The following GPC5 variants were observed in gnomAD, a reference collection of about 807,000 sequenced individuals.
GPC5 encodes the protein glypican 5, also known as glypican-5.
GPC5 carries 47 observed loss-of-function variants against 53.9 expected under a neutral mutation model. The observed-to-expected ratio is 0.87, with a 90% CI of 0.69 to 1.11. GPC5 has a LOEUF of 1.11. Among genes scored for constraint, GPC5 ranks in the 50% most tolerant of loss-of-function variants. The pLI is 0.00. For missense variants in GPC5, 748 were observed against 713.1 expected (o/e 1.05, Z -0.56); for synonymous variants, 286 against 263.3 (o/e 1.09, Z -0.84).
chr13:91,417,072 G>C lies in GPC5; in HGVS notation c.163+17863G>C, dbSNP rs144693608. ...ACAGAGTGGGGTGGATGGAGCAGAG[G>C]GGGGGAGTATTTAGAAGGCAGAATT... On this transcript the variant is annotated intron_variant, in intron 1 of 7. Transcript: ENST00000377067. Among the ~76,000 whole-genome samples, 222 of 152,238 alleles carry C rather than the reference G, an allele frequency of 1.5e-3. 1 individual carries two copies. The highest frequency in any genetic ancestry group is 4.7e-3 in the African/African-American group (195 of 41,544).
intron 7 of GPC5, among the ~76,000 whole-genome samples, chr13:92,776,098 A>C (rs1358109066): frequency 6.6e-6 from 1 of 152,178 alleles, no homozygotes; most frequent in East Asian, 1.9e-4. Flanking sequence ...GAATCCTTAA[A>C]ATCAAGGTAT....
rs1566567602 is a variant in GPC5, at chr13:92,385,462, A to ATACATATG, written c.1561+240473_1561+240474insTACATATG. Among the ~76,000 whole-genome samples, 17 of 111,126 alleles carry ATACATATG rather than the reference A, an allele frequency of 1.5e-4. 2 individuals are homozygous for ATACATATG. Among genetic ancestry groups the ATACATATG allele is most frequent in the Admixed American group, 2.0e-4 (2 of 10,196 alleles). 72.9% of individuals were successfully genotyped at this position (111,126 alleles called of 152,430 possible). ...CATATATACATATATACATATATACACATATATACATATATACATATATAC... is the reference window on the plus strand; with the variant it reads ...CATATATACATATATACATATATACATACATATGCATATATACATATATACATATATAC... On this transcript the variant is annotated intron_variant, in intron 7 of 7. Transcript: ENST00000377067.
At chr13:92,048,092 A>G (rs1424171530) in intron 6 of GPC5, among the ~76,000 whole-genome samples, 2 of 152,026 alleles carry the variant, frequency 1.3e-5, no homozygotes, top group African/African-American at 4.8e-5. Flanking sequence ...TAGACGATAG[A>G]TAACATTATA....
intron 7 of GPC5, among the ~76,000 whole-genome samples, chr13:92,376,572 A>G (rs2043695326): frequency 6.6e-6 from 1 of 152,118 alleles, no homozygotes; most frequent in South Asian, 2.1e-4. Context: ...CCTCCATCTG[A>G]GCTAATTTTA....
At chr13:91,716,987 A>ATAC (rs1379093208) in intron 3 of GPC5, among the ~76,000 whole-genome samples, 1 of 152,220 alleles carries the variant, frequency 6.6e-6, no homozygotes, top group Admixed American at 6.5e-5. Flanking sequence ...ACCAAACAAA[A>ATAC]TACTTCCTCT....
At chr13:92,461,605 T>C (rs1878482354) in intron 7 of GPC5, among the ~76,000 whole-genome samples, 1 of 152,222 alleles carries the variant, frequency 6.6e-6, no homozygotes, top group Non-Finnish European at 1.5e-5. Context: ...CTGGAGATTA[T>C]GCTTTTGGGA....
chr13:91,664,070 A>G (rs1436056366), intron 2 of GPC5, among the ~76,000 whole-genome samples: 1 of 152,238 alleles, frequency 6.6e-6, no homozygotes, highest in African/African-American at 2.4e-5. Flanking sequence ...CTATAATATA[A>G]TGAAAGATAC....
chr13:91,607,519 G>C (rs886506668), intron 2 of GPC5, among the ~76,000 whole-genome samples: 1 of 152,086 alleles, frequency 6.6e-6, no homozygotes, highest in African/African-American at 2.4e-5. Flanking sequence ...GTACGTAGAT[G>C]ATAACACCAG....
intron 6 of GPC5, among the ~76,000 whole-genome samples, chr13:91,943,478 A>G (rs1415284162): frequency 1.3e-5 from 2 of 152,066 alleles, no homozygotes; most frequent in Non-Finnish European, 2.9e-5. Context: ...TGTGCTTTGT[A>G]TAAGATGGAA....
chr13:91,653,795 C>A (rs1197946954), intron 2 of GPC5, among the ~76,000 whole-genome samples: 1 of 152,044 alleles, frequency 6.6e-6, no homozygotes, highest in African/African-American at 2.4e-5. Flanking sequence ...TTTTTAACAG[C>A]TTTCAGGCAT....
intron 7 of GPC5, among the ~76,000 whole-genome samples, chr13:92,592,333 T>C (rs1035956117): frequency 2.0e-4 from 30 of 151,912 alleles, no homozygotes; most frequent in Non-Finnish European, 4.0e-4. Flanking sequence ...AACACCTGTA[T>C]AGTGTATGTG....
At chr13:91,855,260 C>T (rs778836939) in intron 5 of GPC5, among the ~76,000 whole-genome samples, 1 of 151,632 alleles carries the variant, frequency 6.6e-6, no homozygotes, top group East Asian at 1.9e-4. Flanking sequence ...AACCAAAGAA[C>T]AGGCACAGCT....
intron 2 of GPC5, among the ~76,000 whole-genome samples, chr13:91,689,189 AT>A (rs1364246419): frequency 4.1e-5 from 2 of 48,852 alleles, no homozygotes; most frequent in African/African-American, 1.2e-4. Context: ...ATATAAATAT[AT>A]ATATATATAT....
chr13:91,916,337 A>G (rs2039658594), intron 6 of GPC5, among the ~76,000 whole-genome samples: 1 of 152,220 alleles, frequency 6.6e-6, no homozygotes, highest in Non-Finnish European at 1.5e-5. Flanking sequence ...AAACTTGTAC[A>G]TGATTGTTCA....
intron 7 of GPC5, among the ~76,000 whole-genome samples, chr13:92,566,709 A>G (rs1332160603): frequency 6.6e-6 from 1 of 152,104 alleles, no homozygotes; most frequent in East Asian, 1.9e-4. Context: ...AGTGTGTTCT[A>G]TGTCCTCACC....
At chr13:91,762,155 G>A (rs1225624971) in intron 5 of GPC5, among the ~76,000 whole-genome samples, 1 of 152,082 alleles carries the variant, frequency 6.6e-6, no homozygotes, top group Admixed American at 6.6e-5. Context: ...TTTATGATAA[G>A]CTGACCCTTT....
At chr13:92,220,578 C>CA (rs1376028583) in intron 7 of GPC5, among the ~76,000 whole-genome samples, 11 of 152,098 alleles carry the variant, frequency 7.2e-5, no homozygotes, top group Non-Finnish European at 1.3e-4. Context: ...ACTATACAGG[C>CA]AACAGGAAAG....
intron 6 of GPC5, among the ~76,000 whole-genome samples, chr13:92,027,839 C>T (rs2040812065): frequency 6.6e-6 from 1 of 152,158 alleles, no homozygotes; most frequent in African/African-American, 2.4e-5. Flanking sequence ...CTGCACACAA[C>T]AGTCACTTGC....
intron 6 of GPC5, among the ~76,000 whole-genome samples, chr13:91,918,295 G>C (rs2039679420): frequency 6.6e-6 from 1 of 152,122 alleles, no homozygotes; most frequent in South Asian, 2.1e-4. Context: ...GGGTATTATA[G>C]AGATTATAAT....
Sources: gnomAD v4.1 joint callset for allele counts (sites outside exome capture counted in the v4.1 genomes callset) on GRCh38, gnomAD v4.1.1 for gene constraint, MANE v1.5 for transcripts, NCBI Gene and HGNC (gene_info 2026-07-23, HGNC 2026-07-21) for gene names.